The following TYR variants were observed in gnomAD, a reference collection of about 807,000 sequenced individuals.
TYR encodes the protein tyrosinase.
TYR carries 58 observed loss-of-function variants against 51.5 expected under a neutral mutation model. The observed-to-expected ratio is 1.13, with a 90% CI of 0.91 to 1.40. TYR has a LOEUF of 1.40. TYR is among the 40% of genes most tolerant of loss of function. TYR has a pLI of 0.00. For synonymous variants in TYR, 263 were observed against 235.2 expected (o/e 1.12, Z -1.08); for missense variants, 732 against 647.4 (o/e 1.13, Z -1.42).
intron 3 of TYR, among the ~76,000 whole-genome samples, chr11:89,233,663 C>G (rs1380606332): frequency 7.0e-6 from 1 of 142,184 alleles, no homozygotes; most frequent in Non-Finnish European, 1.5e-5. Context: ...TATTCATCTC[C>G]TAGTATATCT....
rs769374925 is a variant in TYR at position 89,191,402 on chromosome 11, T to C, written c.1020T>C (p.Phe340=). ...GSMDKAANFS[F]RNTLEGFASP... is the part of the protein sequence containing the mutation. ...TGGATAAAGCTGCCAATTTCAGCTT[T>C]AGAAATACACTGGAAGGTAATCTCT... The change falls in exon 2 of 5, where the codon TTT becomes TTC. Residue 340 remains phenylalanine (F), a synonymous_variant. Transcript: ENST00000263321. 4.0e-5 allele frequency: 64 copies of C among 1,613,620 alleles called. No individual in the cohort carries two copies. The highest frequency in any genetic ancestry group is 4.5e-5 in the East Asian group (2 of 44,874).
At chr11:89,214,590 T>C (rs1218205767) in intron 2 of TYR, among the ~76,000 whole-genome samples, 2 of 152,332 alleles carry the variant, frequency 1.3e-5, no homozygotes, top group Non-Finnish European at 2.9e-5. Flanking sequence ...TGTATGTTTA[T>C]TGCGGAACTA....
chr11:89,183,434 A>G (rs992981349), intron 1 of TYR, among the ~76,000 whole-genome samples: 2 of 152,080 alleles, frequency 1.3e-5, no homozygotes, highest in African/African-American at 4.8e-5. Context: ...AAAAAAAATG[A>G]GGTAGAATTA....
chr11:89,232,384 A>G (rs1316098473), intron 3 of TYR, among the ~76,000 whole-genome samples: 1 of 143,678 alleles, frequency 7.0e-6, no homozygotes, highest in African/African-American at 2.8e-5. Context: ...GAACAAAATG[A>G]TGTCCTTCGC....
At chr11:89,227,775 T>C in intron 2 of TYR, 48 bp from the exon 3 acceptor site, 1 of 1,519,224 alleles carries the variant, frequency 6.6e-7, no homozygotes, top group South Asian at 1.1e-5. Context: ...ACATAGGTTT[T>C]CAGTCATTAA....
chr11:89,251,732 T>G (rs1250558752), intron 3 of TYR, among the ~76,000 whole-genome samples: 1 of 151,824 alleles, frequency 6.6e-6, no homozygotes, highest in Non-Finnish European at 1.5e-5. Context: ...AGCTTCAAGA[T>G]TCACATGATG....
At chr11:89,239,984 T>C (rs189824864) in intron 3 of TYR, among the ~76,000 whole-genome samples, 1 of 152,334 alleles carries the variant, frequency 6.6e-6, no homozygotes, top group African/African-American at 2.4e-5. Flanking sequence ...ATAAACCATG[T>C]GTGTGACAAT....
intron 3 of TYR, among the ~76,000 whole-genome samples, chr11:89,256,053 T>C (rs1364685426): frequency 1.3e-5 from 2 of 151,754 alleles, no homozygotes; most frequent in Non-Finnish European, 3.0e-5. Context: ...ATTTTACATA[T>C]GGTTTGTTAT....
chr11:89,255,685 G>T (rs1442988639), intron 3 of TYR, among the ~76,000 whole-genome samples: 1 of 151,716 alleles, frequency 6.6e-6, no homozygotes, highest in Non-Finnish European at 1.5e-5. Flanking sequence ...TGTCAAATTA[G>T]TGGTATACAA....
intron 3 of TYR, among the ~76,000 whole-genome samples, chr11:89,266,066 C>T (rs965748254): frequency 6.6e-6 from 1 of 151,894 alleles, no homozygotes; most frequent in Non-Finnish European, 1.5e-5. Flanking sequence ...CTCCTTTTTC[C>T]AGCAGTCCAG....
At chr11:89,241,663 C>G (rs1003251412) in intron 3 of TYR, among the ~76,000 whole-genome samples, 15 of 150,656 alleles carry the variant, frequency 1.0e-4, no homozygotes, top group African/African-American at 3.4e-4. Context: ...TCAGTTAATT[C>G]TTACAATTAA....
chr11:89,218,739 T>C (rs1247087849), intron 2 of TYR, among the ~76,000 whole-genome samples: 1 of 152,220 alleles, frequency 6.6e-6, no homozygotes, highest in Non-Finnish European at 1.5e-5. Context: ...ATATTTATTA[T>C]TATGCACACT....
chr11:89,267,458 T>C (rs543334652), intron 3 of TYR, among the ~76,000 whole-genome samples: 238 of 152,116 alleles, frequency 1.6e-3, no homozygotes, highest in Non-Finnish European at 2.8e-3. Flanking sequence ...GGAAGGACTC[T>C]GCTTTCTGAA....
chr11:89,289,465 C>T (rs988754027), intron 4 of TYR, among the ~76,000 whole-genome samples: 2 of 151,884 alleles, frequency 1.3e-5, no homozygotes, highest in Non-Finnish European at 2.9e-5. Context: ...GGGTGCATTC[C>T]CTGACTTCAC....
intron 3 of TYR, among the ~76,000 whole-genome samples, chr11:89,268,927 C>T (rs781642252): frequency 1.1e-4 from 17 of 151,914 alleles, no homozygotes; most frequent in Non-Finnish European, 1.9e-4. Context: ...TTTACTCATC[C>T]AATTTAAATA....
At chr11:89,253,715 G>C (rs760634529) in intron 3 of TYR, among the ~76,000 whole-genome samples, 5 of 151,638 alleles carry the variant, frequency 3.3e-5, no homozygotes, top group Admixed American at 6.6e-5. Context: ...TCAATTCTAG[G>C]AGCTTTTTGG....
chr11:89,259,265 A>C (rs2135305796), intron 3 of TYR, among the ~76,000 whole-genome samples: 1 of 152,238 alleles, frequency 6.6e-6, no homozygotes, highest in South Asian at 2.1e-4. Context: ...CTTCCTTGCA[A>C]GCTTAGCACT....
Position 89,214,359 on chromosome 11 carries a change from G to A in TYR, c.1037-13464G>A, listed in dbSNP as rs141998617. On this transcript the variant is annotated intron_variant, in intron 2 of 4. Coordinates refer to ENST00000263321, the MANE Select transcript of TYR (RefSeq NM_000372.5). ...ACCATCTCATGCCTGTTAGAATGGC[G>A]ATCATTAAAAGGTCAGGAAACAACA... Among the ~76,000 whole-genome samples, 461 of 152,174 alleles carry A rather than the reference G, an allele frequency of 3.0e-3. 2 individuals carry two copies. Among genetic ancestry groups the A allele is most frequent in the African/African-American group, 9.9e-3 (413 of 41,542 alleles).
chr11:89,199,170 T>C (rs1943564732), intron 2 of TYR, among the ~76,000 whole-genome samples: 1 of 152,200 alleles, frequency 6.6e-6, no homozygotes, highest in African/African-American at 2.4e-5. Flanking sequence ...TTGTTGTACA[T>C]TTGGGTTGGT....
Sources: gnomAD v4.1 joint callset for allele counts (sites outside exome capture counted in the v4.1 genomes callset) on GRCh38, gnomAD v4.1.1 for gene constraint, MANE v1.5 for transcripts, NCBI Gene and HGNC (gene_info 2026-07-23, HGNC 2026-07-21) for gene names.